Variants in NELL1 observed in about 807,000 individuals in gnomAD.
NELL1 encodes the protein neural EGFL like 1.
NELL1 carries 76 observed loss-of-function variants against 107.4 expected under a neutral mutation model. The ratio of observed to expected loss-of-function variants is 0.71; its 90% CI spans 0.59 to 0.86. The LOEUF (loss-of-function observed/expected upper bound fraction) is 0.86. NELL1 is among the 40% of genes least tolerant of loss of function. The pLI is 0.00. For synonymous variants in NELL1, 353 were observed against 341.2 expected, an observed-to-expected ratio of 1.03 and a Z score of -0.38; for missense variants, 1,024 against 1,005.5, an observed-to-expected ratio of 1.02 and a Z score of -0.25.
At chr11:20,955,580 C>T (rs1207302050) in intron 11 of NELL1, among the ~76,000 whole-genome samples, 1 of 152,126 alleles carries the variant, frequency 6.6e-6, no homozygotes, top group Non-Finnish European at 1.5e-5. Context: ...AAAATATCAT[C>T]ATCATTATTA....
At chr11:21,526,487 T>C (rs964526050) in intron 15 of NELL1, among the ~76,000 whole-genome samples, 1 of 152,202 alleles carries the variant, frequency 6.6e-6, no homozygotes, top group Non-Finnish European at 1.5e-5. Flanking sequence ...TACTAGGCAG[T>C]ACCTCAGTGG....
At chr11:21,018,778 G>A (rs1852629717) in intron 12 of NELL1, among the ~76,000 whole-genome samples, 1 of 152,062 alleles carries the variant, frequency 6.6e-6, no homozygotes, top group Non-Finnish European at 1.5e-5. Flanking sequence ...TTAGCGAGTG[G>A]GTTTACTGCA....
chr11:21,480,694 C>A (rs1490974203), intron 15 of NELL1, among the ~76,000 whole-genome samples: 3 of 152,184 alleles, frequency 2.0e-5, no homozygotes, highest in Admixed American at 1.3e-4. Flanking sequence ...GCTCTTCCCA[C>A]CACCAGAAAC....
At chr11:20,877,958 G>A (rs1849336386) in intron 4 of NELL1, among the ~76,000 whole-genome samples, 1 of 152,156 alleles carries the variant, frequency 6.6e-6, no homozygotes, top group South Asian at 2.1e-4. Flanking sequence ...ATTTTTGATG[G>A]TTGGAGAGTA....
At chr11:21,163,634 A>G (rs914768304) in intron 13 of NELL1, among the ~76,000 whole-genome samples, 3 of 152,128 alleles carry the variant, frequency 2.0e-5, no homozygotes, top group Non-Finnish European at 2.9e-5. Context: ...ACTTAACACA[A>G]ATTTATTTCT....
At chr11:21,432,661 A>G (rs775920153) in intron 15 of NELL1, among the ~76,000 whole-genome samples, 7 of 152,222 alleles carry the variant, frequency 4.6e-5, no homozygotes, top group Non-Finnish European at 1.0e-4. Context: ...GGAAGGAAAT[A>G]GAGATCTATT....
At position 20,973,413 on chromosome 11, in the gene NELL1, G is replaced by C. The variant is rs539182423; in HGVS notation, c.1300+12853G>C. On this transcript the variant is annotated intron_variant, in intron 12 of 19. Coordinates refer to ENST00000357134, the MANE Select transcript of NELL1 (RefSeq NM_006157.5). ...ATGAGCCACTGCGTCCAGCCTCTTC[G>C]TTACTTTTTCTTAACATATTTTTTA... Among the ~76,000 whole-genome samples the C allele has an allele frequency of 2.6e-5, 4 of 152,172 alleles. 1 individual carries two copies. The South Asian group carries it at 8.3e-4, about 32-fold the overall frequency.
At chr11:21,394,094 G>A (rs1851934363) in intron 15 of NELL1, among the ~76,000 whole-genome samples, 1 of 151,592 alleles carries the variant, frequency 6.6e-6, no homozygotes, top group Non-Finnish European at 1.5e-5. Context: ...TGAGTATATT[G>A]CCTGTGCCAG....
At chr11:20,978,420 A>T (rs1033478814) in intron 12 of NELL1, among the ~76,000 whole-genome samples, 3 of 150,212 alleles carry the variant, frequency 2.0e-5, no homozygotes, top group Middle Eastern at 3.4e-3. Context: ...ATCCAATATT[A>T]TATTTGTCTT....
chr11:21,405,540 A>G (rs945326157), intron 15 of NELL1, among the ~76,000 whole-genome samples: 2 of 152,020 alleles, frequency 1.3e-5, no homozygotes, highest in African/African-American at 4.8e-5. Flanking sequence ...GGGCCATAAG[A>G]AAGTTGGCCA....
intron 3 of NELL1, among the ~76,000 whole-genome samples, chr11:20,814,666 G>A (rs964493845): frequency 3.3e-5 from 5 of 152,212 alleles, no homozygotes; most frequent in East Asian, 1.9e-4. Flanking sequence ...ATTCCGTGGC[G>A]TTTATGTACC....
chr11:20,928,490 A>T lies in NELL1; in HGVS notation c.997+11A>T. On this transcript the variant is annotated intron_variant, in intron 9 of 19. Transcript: ENST00000357134. Reference sequence around the variant, plus strand: ...GTAAGGTCTGCCGACGTAAGTACTGACTGAGGGTCAGACTGGCTGTCTGTG... The same window carrying T: ...GTAAGGTCTGCCGACGTAAGTACTGTCTGAGGGTCAGACTGGCTGTCTGTG... 2 of 1,599,614 alleles carry T rather than the reference A, an allele frequency of 1.3e-6. No homozygotes were observed. The highest frequency in any genetic ancestry group is 2.2e-5 in the South Asian group (2 of 90,808).
At chr11:21,464,932 C>G (rs556106088) in intron 15 of NELL1, among the ~76,000 whole-genome samples, 3 of 152,238 alleles carry the variant, frequency 2.0e-5, no homozygotes, top group Non-Finnish European at 2.9e-5. Context: ...TGGAAGCACT[C>G]TGCTGAAAAA....
At chr11:20,785,995 G>A (rs891007014) in intron 3 of NELL1, among the ~76,000 whole-genome samples, 1 of 150,790 alleles carries the variant, frequency 6.6e-6, no homozygotes, top group Non-Finnish European at 1.5e-5. Flanking sequence ...TGATAGGAGA[G>A]TCATTTGATC....
At chr11:20,799,439 C>T (rs1431130436) in intron 3 of NELL1, among the ~76,000 whole-genome samples, 1 of 152,160 alleles carries the variant, frequency 6.6e-6, no homozygotes, top group African/African-American at 2.4e-5. Context: ...CCATAGTGTT[C>T]CTTGGAAATC....
At chr11:21,088,654 T>G (rs1184330737) in intron 12 of NELL1, among the ~76,000 whole-genome samples, 1 of 152,220 alleles carries the variant, frequency 6.6e-6, no homozygotes, top group African/African-American at 2.4e-5. Flanking sequence ...TTTTTTTAGC[T>G]GCGAAGTGAG....
At chr11:21,163,582 C>A (rs1263397941) in intron 13 of NELL1, among the ~76,000 whole-genome samples, 1 of 152,078 alleles carries the variant, frequency 6.6e-6, no homozygotes, top group African/African-American at 2.4e-5. Context: ...AAGTTGTATT[C>A]ATCATCTTGG....
At chr11:21,102,072 C>T (rs1188385996) in intron 12 of NELL1, among the ~76,000 whole-genome samples, 6 of 152,076 alleles carry the variant, frequency 3.9e-5, no homozygotes, top group Non-Finnish European at 5.9e-5. Flanking sequence ...AGGCTAGTCT[C>T]GAACTTCTGA....
chr11:21,332,902 G>A (rs1850303698), intron 14 of NELL1, among the ~76,000 whole-genome samples: 1 of 151,928 alleles, frequency 6.6e-6, no homozygotes, highest in African/African-American at 2.4e-5. Context: ...AGTCTACTGA[G>A]ATTATTTTTG....
Sources: gnomAD v4.1 joint callset for allele counts (sites outside exome capture counted in the v4.1 genomes callset) on GRCh38, gnomAD v4.1.1 for gene constraint, MANE v1.5 for transcripts, NCBI Gene and HGNC (gene_info 2026-07-23, HGNC 2026-07-21) for gene names.